The following RCOR3 variants were observed in gnomAD, a reference collection of about 807,000 sequenced individuals.
RCOR3 encodes REST corepressor 3.
In RCOR3, 13 loss-of-function variants were observed where a neutral mutation model predicts 64.1. The observed-to-expected ratio is 0.20, with a 90% CI of 0.13 to 0.32. RCOR3 has a LOEUF of 0.32. RCOR3 is among the 10% of genes least tolerant of loss of function. The pLI, the probability that RCOR3 is intolerant of heterozygous loss-of-function variation, is 1.00. For synonymous variants in RCOR3, 215 were observed against 239.0 expected (o/e 0.90, Z 0.93); for missense variants, 489 against 701.2 (o/e 0.70, Z 3.42).
intron 2 of RCOR3, among the ~76,000 whole-genome samples, chr1:211,268,199 A>G (rs1695525543): frequency 6.6e-6 from 1 of 152,074 alleles, no homozygotes; most frequent in African/African-American, 2.4e-5. Context: ...ATAACATTAG[A>G]TTTTATGAAT....
In RCOR3 at chr1:211,315,785, T is replaced by C. The variant is rs1294879700; in HGVS notation, c.*2017T>C. 1 of 152,234 alleles carries C rather than the reference T, an allele frequency of 6.6e-6. No individual in the cohort carries two copies. Among genetic ancestry groups the C allele is most frequent in the East Asian group, 1.9e-4 (1 of 5,202 alleles). The allele number at this position is 152,234 out of a possible 1,614,324, so 9.4% of individuals were successfully genotyped here. ...CTATCCCAGACATGGGCCAAGGTGC[T>C]GTATCTGAGGGATGTGCTGTAATTT... On this transcript the variant is annotated 3_prime_UTR_variant, in exon 12 of 12. Coordinates refer to ENST00000419091, the MANE Select transcript of RCOR3 (RefSeq NM_001136223.3).
At chr1:211,286,553 C>G (rs1380051276) in intron 7 of RCOR3, among the ~76,000 whole-genome samples, 1 of 152,090 alleles carries the variant, frequency 6.6e-6, no homozygotes, top group Non-Finnish European at 1.5e-5. Context: ...GTGATCCGCC[C>G]CCCTCGGCCT....
At chr1:211,294,006 T>C (rs1699555058) in intron 8 of RCOR3, among the ~76,000 whole-genome samples, 1 of 152,250 alleles carries the variant, frequency 6.6e-6, no homozygotes, top group Non-Finnish European at 1.5e-5. Flanking sequence ...AACTTCTCTG[T>C]GCCTTATATT....
chr1:211,271,150 C>A, intron 2 of RCOR3, 82 bp from the exon 3 acceptor site: 1 of 1,273,984 alleles, frequency 7.8e-7, no homozygotes, highest in Non-Finnish European at 1.1e-6. Flanking sequence ...AGCCACCGTG[C>A]CTGGGCAGCT....
In RCOR3 at chr1:211,304,102, C is replaced by T; in HGVS notation, c.1037C>T (p.Ala346Val). 1 of 1,603,268 alleles carries T rather than the reference C, an allele frequency of 6.2e-7. No homozygotes were observed. Among genetic ancestry groups the T allele is most frequent in the South Asian group, 1.1e-5 (1 of 89,166 alleles). The change falls in exon 10 of 12, where the codon GCC becomes GTC. Residue 346 changes from alanine (A) to valine (V), a missense_variant. Physicochemically the swap from Ala to Val is moderately conservative, Grantham distance 64. Around this residue, in one of 2 missense-constraint regions of RCOR3, gnomAD observed 402 missense variants for 617.0 expected, o/e 0.65. Coordinates refer to ENST00000419091, the MANE Select transcript of RCOR3 (RefSeq NM_001136223.3). ...KPPESNQKIN[A>V]RWTTEEQLLA... ...TTGTAGTCAAATCAGAAAATTAATG[C>T]CCGTTGGACCACAGAGGAGCAGCTT...
At chr1:211,309,228 GTCTGATA>G (rs1301410855) in intron 10 of RCOR3, among the ~76,000 whole-genome samples, 14 of 151,972 alleles carry the variant, frequency 9.2e-5, no homozygotes, top group African/African-American at 3.1e-4. Context: ...AATTCAGAAT[GTCTGATA>G]ATTCAGATAA....
intron 3 of RCOR3, among the ~76,000 whole-genome samples, chr1:211,273,187 A>G (rs906999926): frequency 3.9e-5 from 6 of 152,232 alleles, no homozygotes; most frequent in Non-Finnish European, 7.3e-5. Context: ...CTGACTAATA[A>G]TCACAGCAAA....
chr1:211,259,613 C>T lies in RCOR3; in HGVS notation c.53C>T (p.Ala18Val), dbSNP rs1196995572. The change falls in exon 1 of 12, where the codon GCC (alanine) becomes GTC (valine). Residue 18 changes from alanine (A) to valine (V), a missense_variant. Physicochemically the swap from Ala to Val is moderately conservative, Grantham distance 64 (BLOSUM62 0). Coordinates refer to ENST00000419091, the MANE Select transcript of RCOR3 (RefSeq NM_001136223.3). ...GAGTTACTGGGGAAGAACCGATCGG[C>T]CAACGGCAGCGCCAAGAGCCCGGCA... ...GPELLGKNRS[A>V]NGSAKSPAGG... 3.9e-6 allele frequency: 6 copies of T among 1,548,374 alleles called. No individual in the cohort carries two copies. The Admixed American group carries it at 7.9e-5, about 20-fold the overall frequency.
intron 7 of RCOR3, 61 bp from the exon 8 acceptor site, chr1:211,289,115 CTG>C: frequency 8.1e-7 from 1 of 1,227,676 alleles, no homozygotes; most frequent in Non-Finnish European, 1.2e-6. Context: ...TATTAATAGA[CTG>C]TTTTCACTTT....
intron 3 of RCOR3, 100 bp downstream of exon 3, chr1:211,271,409 A>T (rs1027073592): frequency 2.3e-6 from 2 of 861,458 alleles, no homozygotes; most frequent in African/African-American, 3.4e-5. Context: ...TTCTCATAAG[A>T]AAACAGTTTT....
chr1:211,311,604 T>C (rs1701491957), intron 10 of RCOR3, among the ~76,000 whole-genome samples: 1 of 152,198 alleles, frequency 6.6e-6, no homozygotes, highest in African/African-American at 2.4e-5. Flanking sequence ...TATTAACATA[T>C]CCATATATTA....
chr1:211,261,923 C>CAAAAAAAAAAAAA (rs1158597755), intron 2 of RCOR3, among the ~76,000 whole-genome samples: 1 of 34,126 alleles, frequency 2.9e-5, no homozygotes, highest in African/African-American at 1.2e-4. Flanking sequence ...GACTCCATCT[C>CAAAAAAAAAAAAA]AAAAAAAAAA....
intron 3 of RCOR3, 98 bp from the exon 4 acceptor site, chr1:211,274,112 A>G: frequency 1.4e-6 from 1 of 734,132 alleles, no homozygotes; most frequent in Non-Finnish European, 2.2e-6. Context: ...TTACCCTGGA[A>G]TATAAATTGT....
chr1:211,278,267 A>G (rs757587987), intron 6 of RCOR3, 26 bp downstream of exon 6: 1 of 1,612,220 alleles, frequency 6.2e-7, no homozygotes. Flanking sequence ...TCATATAGTT[A>G]CATTGTTAGG....
At position 211,313,731 on chromosome 1, in the gene RCOR3, T is replaced by C. The variant is rs771231374; in HGVS notation, c.1625T>C (p.Ile542Thr). Residue 542 changes from isoleucine to threonine, a missense_variant, in exon 12 of 12, where the codon ATT (isoleucine) becomes ACT (threonine). Physicochemically the swap from Ile to Thr is moderately conservative, Grantham distance 89. This residue lies in a region of RCOR3 where 402 missense variants were observed against 617.0 expected (regional missense o/e 0.65). Transcript: ENST00000419091. This position sits in a 1 kb window ranked among gnomAD's most constrained non-coding sequence, Gnocchi z 4.7. ...GGTGGTCAACAGCCACCATCACTTA[T>C]TGGAATTCAGACAGATTCACAGTCC... Reference protein sequence around the residue: ...TVGGQQPPSLIGIQTDSQSSL... With the variant: ...TVGGQQPPSLTGIQTDSQSSL... 18 of 1,614,102 alleles carry C rather than the reference T, an allele frequency of 1.1e-5. No homozygotes were observed. Among genetic ancestry groups the C allele is most frequent in the Middle Eastern group, 1.6e-4 (1 of 6,084 alleles).
At chr1:211,265,842 T>C (rs1228151727) in intron 2 of RCOR3, among the ~76,000 whole-genome samples, 1 of 152,212 alleles carries the variant, frequency 6.6e-6, no homozygotes, top group Non-Finnish European at 1.5e-5. Context: ...CTCTAGTAGT[T>C]ATGGTGCCTT....
intron 9 of RCOR3, among the ~76,000 whole-genome samples, chr1:211,297,698 T>C (rs1466109053): frequency 1.3e-5 from 2 of 152,214 alleles, no homozygotes; most frequent in Admixed American, 6.5e-5. Flanking sequence ...TTATATGATA[T>C]GAAAAATGTA....
intron 8 of RCOR3, among the ~76,000 whole-genome samples, chr1:211,294,045 G>A (rs1351772323): frequency 4.6e-5 from 7 of 152,128 alleles, no homozygotes; most frequent in Non-Finnish European, 8.8e-5. Context: ...TATAATATAA[G>A]TAGAGTCTGT....
intron 10 of RCOR3, among the ~76,000 whole-genome samples, chr1:211,309,670 A>C (rs539583391): frequency 6.6e-6 from 1 of 152,326 alleles, no homozygotes; most frequent in African/African-American, 2.4e-5. Context: ...AGGAAGAGAG[A>C]TTGACTTAAT....
Sources: gnomAD v4.1 joint callset for allele counts (sites outside exome capture counted in the v4.1 genomes callset) on GRCh38, gnomAD v4.1.1 for gene constraint, gnomAD v4.1.1 regional missense constraint, Gnocchi (gnomAD v3.1) non-coding constraint, MANE v1.5 for transcripts, NCBI Gene and HGNC (gene_info 2026-07-23, HGNC 2026-07-21) for gene names.